The following MYT1L variants were observed in gnomAD, a reference collection of about 807,000 sequenced individuals.
The protein encoded by MYT1L is myelin transcription factor 1-like protein.
MYT1L carries 12 observed loss-of-function variants against 126.7 expected under a neutral mutation model. The observed-to-expected ratio is 0.09, with a 90% confidence interval of 0.06 to 0.15. MYT1L has a LOEUF of 0.15. Ranked by LOEUF, MYT1L falls within the 10% of genes least tolerant of loss-of-function variation. The probability of loss-of-function intolerance (pLI) is 1.00; values close to 1 mark genes in which losing one functional copy is unlikely to be tolerated. For missense variants in MYT1L, 979 were observed against 1,585.2 expected, an observed-to-expected ratio of 0.62 and a Z score of 6.49; for synonymous variants, 541 against 604.2, an observed-to-expected ratio of 0.90 and a Z score of 1.53.
chr2:2,312,621 CT>C (rs2095992582), intron 1 of MYT1L, among the ~76,000 whole-genome samples: 1 of 151,972 alleles, frequency 6.6e-6, no homozygotes, highest in Non-Finnish European at 1.5e-5. Flanking sequence ...GAATATAACA[CT>C]TCTGAGGTTT....
chr2:2,006,372 C>T (rs1466237780), intron 4 of MYT1L, among the ~76,000 whole-genome samples: 1 of 152,096 alleles, frequency 6.6e-6, no homozygotes, highest in East Asian at 1.9e-4. Context: ...TTTTTTGTGA[C>T]AAGAGCAGCT....
chr2:2,003,103 A>G (rs1176325000), intron 4 of MYT1L, among the ~76,000 whole-genome samples: 1 of 152,102 alleles, frequency 6.6e-6, no homozygotes, highest in Non-Finnish European at 1.5e-5. Context: ...ACCCCACGGT[A>G]AGCTTACAAC....
chr2:2,029,988 G>C (rs1242250317), intron 4 of MYT1L, among the ~76,000 whole-genome samples: 1 of 152,174 alleles, frequency 6.6e-6, no homozygotes, highest in Non-Finnish European at 1.5e-5. Flanking sequence ...AGCAACAACT[G>C]GCTAATGTAC....
chr2:2,023,477 G>A (rs2065230135), intron 4 of MYT1L, among the ~76,000 whole-genome samples: 1 of 152,198 alleles, frequency 6.6e-6, no homozygotes, highest in Admixed American at 6.5e-5. Flanking sequence ...ACTTCAGGAG[G>A]CTGGCATAAG....
chr2:2,218,294 G>A (rs1345203989), intron 2 of MYT1L, among the ~76,000 whole-genome samples: 1 of 152,114 alleles, frequency 6.6e-6, no homozygotes, highest in Non-Finnish European at 1.5e-5. Context: ...ATTTGAAAAA[G>A]CCATAAATTG....
chr2:2,049,946 C>T (rs1266898672), intron 4 of MYT1L, among the ~76,000 whole-genome samples: 2 of 149,648 alleles, frequency 1.3e-5, no homozygotes, highest in Non-Finnish European at 3.0e-5. Context: ...AACTTATATA[C>T]GTGTGTGTGT....
rs886189579 is a variant in MYT1L at position 2,228,697 on chromosome 2, G to T, written c.-421+55707C>A. Among the ~76,000 whole-genome samples, 1 of 151,910 alleles carries T rather than the reference G, an allele frequency of 6.6e-6. No individual in the cohort carries two copies. Among genetic ancestry groups the T allele is most frequent in the African/African-American group, 2.4e-5 (1 of 41,364 alleles). On this transcript the variant is annotated intron_variant, in intron 2 of 24. Transcript: ENST00000647738. This position sits in a 1 kb window ranked among gnomAD's most constrained non-coding sequence, Gnocchi z 5.9. Reference sequence around the variant, plus strand: ...TTATATAACTTAGCAGGTATAAAAAGGTTTCAACCTTAATATTACAGAGAA... The same window carrying T: ...TTATATAACTTAGCAGGTATAAAAATGTTTCAACCTTAATATTACAGAGAA...
chr2:1,911,412 A>G (rs1375478266), intron 12 of MYT1L, among the ~76,000 whole-genome samples: 1 of 152,182 alleles, frequency 6.6e-6, no homozygotes, highest in Middle Eastern at 3.2e-3. Flanking sequence ...AGAACGCAAT[A>G]TTATGGGCAG....
intron 3 of MYT1L, among the ~76,000 whole-genome samples, chr2:2,072,105 T>C (rs2074670442): frequency 6.6e-6 from 1 of 152,174 alleles, no homozygotes; most frequent in South Asian, 2.1e-4. Context: ...AGGAGCCCAA[T>C]GATTCAAATG....
At chr2:2,275,876 A>C (rs1573058974) in intron 2 of MYT1L, among the ~76,000 whole-genome samples, 1 of 152,146 alleles carries the variant, frequency 6.6e-6, no homozygotes, top group Non-Finnish European at 1.5e-5. Flanking sequence ...CCTCAAGAGA[A>C]AGTCCCAGCC....
At chr2:1,888,865 A>T (rs12611745) in intron 16 of MYT1L, among the ~76,000 whole-genome samples, 10,557 of 152,292 alleles carry the variant, frequency 0.069, 426 homozygotes, top group East Asian at 0.16. Flanking sequence ...ATAGTTAACC[A>T]TTTAACTATC....
At chr2:2,283,076 C>G (rs1268375012) in intron 2 of MYT1L, among the ~76,000 whole-genome samples, 3 of 152,056 alleles carry the variant, frequency 2.0e-5, no homozygotes, top group East Asian at 3.9e-4. Context: ...CTCCATCCCC[C>G]CCAACACAAA....
At chr2:1,882,056 C>G (rs1439256289) in intron 18 of MYT1L, among the ~76,000 whole-genome samples, 1 of 152,164 alleles carries the variant, frequency 6.6e-6, no homozygotes, top group South Asian at 2.1e-4. Flanking sequence ...TTCTCACATC[C>G]GTAAAATGGG....
At chr2:1,968,011 G>A (rs1183133628) in intron 8 of MYT1L, among the ~76,000 whole-genome samples, 1 of 152,180 alleles carries the variant, frequency 6.6e-6, no homozygotes, top group Non-Finnish European at 1.5e-5. Context: ...GCAGAAAAGA[G>A]AGGAGAGGCC....
At chr2:2,037,721 C>A (rs1259343047) in intron 4 of MYT1L, among the ~76,000 whole-genome samples, 1 of 151,498 alleles carries the variant, frequency 6.6e-6, no homozygotes, top group African/African-American at 2.4e-5. Flanking sequence ...GTGCCACTTG[C>A]ACTCCAGCCT....
chr2:2,124,608 A>C (rs962866087), intron 3 of MYT1L, among the ~76,000 whole-genome samples: 13 of 152,178 alleles, frequency 8.5e-5, no homozygotes, highest in Admixed American at 2.0e-4. Flanking sequence ...GTTATTCTTT[A>C]TATTTGCATA....
intron 4 of MYT1L, among the ~76,000 whole-genome samples, chr2:2,017,671 A>G (rs1416381664): frequency 6.6e-6 from 1 of 152,212 alleles, no homozygotes; most frequent in African/African-American, 2.4e-5. Flanking sequence ...AGTATACTTT[A>G]GGTTGCAAAA....
intron 18 of MYT1L, among the ~76,000 whole-genome samples, chr2:1,869,365 C>G (rs1476723268): frequency 2.0e-5 from 3 of 152,256 alleles, no homozygotes; most frequent in Non-Finnish European, 4.4e-5. Flanking sequence ...AGTTGGGGGT[C>G]TCATGAGACC....
At chr2:2,248,352 G>A (rs2094573545) in intron 2 of MYT1L, among the ~76,000 whole-genome samples, 1 of 151,866 alleles carries the variant, frequency 6.6e-6, no homozygotes, top group African/African-American at 2.4e-5. Flanking sequence ...AACCTAAACA[G>A]ACCCATAACA....
Sources: allele counts gnomAD v4.1 joint callset (sites outside exome capture counted in the v4.1 genomes callset), GRCh38; gene constraint gnomAD v4.1.1; non-coding constraint Gnocchi (gnomAD v3.1); transcripts MANE v1.5; gene names NCBI Gene and HGNC (gene_info 2026-07-23, HGNC 2026-07-21).